The following CROCC variants were observed in gnomAD, a reference collection of about 807,000 sequenced individuals.
CROCC encodes the protein rootletin.
CROCC carries 180 observed loss-of-function variants against 245.2 expected under a neutral mutation model. That is an observed-to-expected ratio of 0.73 (90% CI 0.65 to 0.83). The LOEUF is 0.83. Ranked by LOEUF, CROCC falls within the 40% of genes least tolerant of loss-of-function variation. The pLI, the probability that CROCC is intolerant of heterozygous loss-of-function variation, is 0.00. For synonymous variants in CROCC, 1,205 were observed against 1,241.6 expected, an observed-to-expected ratio of 0.97 and a Z score of 0.62; for missense variants, 2,688 against 2,779.4, an observed-to-expected ratio of 0.97 and a Z score of 0.74.
chr1:16,955,878 A>T, intron 24 of CROCC, 119 bp from the exon 25 acceptor site: 1 of 1,283,278 alleles, frequency 7.8e-7, no homozygotes. Flanking sequence ...AGCTCTTCAG[A>T]GAGGCCACAT....
Position 16,937,714 on chromosome 1 carries a change from C to T in CROCC, c.1267C>T (p.Leu423Phe), listed in dbSNP as rs746629298. The T allele has an allele frequency of 5.6e-6, 9 of 1,610,936 alleles. No homozygotes were observed. In the South Asian group the frequency reaches 7.7e-5, roughly 14 times the overall value. Residue 423 changes from leucine (L) to phenylalanine (F), a missense_variant, in exon 10 of 37, where the codon CTC (leucine) becomes TTC (phenylalanine). By Grantham distance (22) the Leu-to-Phe change is conservative. This residue lies in a region of CROCC where 972 missense variants were observed against 895.3 expected (regional missense o/e 1.09). Coordinates refer to ENST00000375541, the MANE Select transcript of CROCC (RefSeq NM_014675.5). Reference protein sequence around the residue: ...NLEKDQVNKDLTEKLEALESL... With the variant: ...NLEKDQVNKDFTEKLEALESL... ...GGAGAAGGATCAGGTCAACAAGGAC[C>T]TCACTGAGAAGCTTGAGGCCCTGGT... is the stretch of plus-strand genomic sequence containing the variant.
chr1:16,971,210 AGTGTGTGTGTGTGTGTGT>A (rs34364208), intron 35 of CROCC, among the ~76,000 whole-genome samples: 19 of 144,128 alleles, frequency 1.3e-4, no homozygotes, highest in East Asian at 8.3e-4. Flanking sequence ...ATGATGTCTG[AGTGTGTGTGTGTGTGTGT>A]GTGTGTGTGT....
At position 16,972,366 on chromosome 1, in the gene CROCC, A is replaced by C; in HGVS notation, c.5974A>C (p.Thr1992Pro). The C allele has an allele frequency of 6.2e-7, 1 of 1,613,784 alleles. No homozygotes were observed. The highest frequency in any genetic ancestry group is 8.5e-7 in the Non-Finnish European group (1 of 1,179,814). ...RVRGLEEQVS[T>P]LKGQLQQELR... ...CCTTCCCTTTCTTCCCCAGGTGTCCACACTGAAGGGCCAGCTGCAGCAGGA... is the reference window on the plus strand; with the variant it reads ...CCTTCCCTTTCTTCCCCAGGTGTCCCCACTGAAGGGCCAGCTGCAGCAGGA... Residue 1992 changes from threonine (T) to proline (P), a missense_variant, in exon 37 of 37, where the codon ACA becomes CCA. This residue lies in a region of CROCC where 1,218 missense variants were observed against 1,286.3 expected (regional missense o/e 0.95). Coordinates refer to ENST00000375541, the MANE Select transcript of CROCC (RefSeq NM_014675.5).
chr1:16,955,246 G>A (rs1048416661), intron 23 of CROCC, 66 bp from the exon 24 acceptor site: 26 of 1,515,308 alleles, frequency 1.7e-5, no homozygotes, highest in Middle Eastern at 3.7e-4. Flanking sequence ...GGGATCTGGG[G>A]TACAAGACCC....
At position 16,971,517 on chromosome 1, in the gene CROCC, A is replaced by T. The variant is rs777222392; in HGVS notation, c.5837A>T (p.Asp1946Val). 1.4e-5 allele frequency: 21 copies of T among 1,537,046 alleles called. No individual in the cohort carries two copies. The South Asian group carries it at 2.3e-4, about 17-fold the overall frequency. Reference protein sequence around the residue: ...QSHSPAQLEVDAQQQQLELQQ... With the variant: ...QSHSPAQLEVVAQQQQLELQQ... ...CACAGCCCGGCCCAGCTGGAGGTGGATGCGCAGCAGCAGCAGCTGGAGCTG... is the reference window on the plus strand; with the variant it reads ...CACAGCCCGGCCCAGCTGGAGGTGGTTGCGCAGCAGCAGCAGCTGGAGCTG... The change falls in exon 36 of 37, where the codon GAT (aspartate) becomes GTT (valine). Residue 1946 changes from aspartate (D) to valine (V), a missense_variant. Asp to Val is a radical substitution (Grantham distance 152). Transcript: ENST00000375541.
intron 8 of CROCC, 25 bp from the exon 9 acceptor site, chr1:16,936,612 C>T (rs1273310621): frequency 1.3e-6 from 2 of 1,554,136 alleles, no homozygotes; most frequent in Non-Finnish European, 1.7e-6. Context: ...CCCCATCCAT[C>T]CCCAGCCTGT....
intron 13 of CROCC, 89 bp from the exon 14 acceptor site, chr1:16,944,011 G>A: frequency 1.5e-6 from 2 of 1,323,370 alleles, no homozygotes; most frequent in Non-Finnish European, 2.0e-6. Context: ...ACTGGAGGAT[G>A]TAGCTCATGG....
rs759518483 is a variant in CROCC at position 16,955,429 on chromosome 1, C to T, written c.3583C>T (p.Arg1195Cys). Residue 1195 changes from arginine (R) to cysteine (C), a missense_variant, in exon 24 of 37, where the codon CGC becomes TGC. By Grantham distance (180) the Arg-to-Cys change is radical (BLOSUM62 -3). Transcript: ENST00000375541. The part of the protein sequence containing the change: ...RESQEGREVQ[R>C]QEAGELRRSL... ...GAGCCAGGAGGGCCGGGAGGTGCAG[C>T]GCCAGGAGGCAGGCGAGCTGCGACG... 9 of 1,599,908 alleles carry T rather than the reference C, an allele frequency of 5.6e-6. No homozygotes were observed. Among genetic ancestry groups the T allele is most frequent in the Admixed American group, 5.1e-5 (3 of 58,726 alleles).
Position 16,965,723 on chromosome 1 carries a change from G to A in CROCC, c.4406G>A (p.Gly1469Glu), listed in dbSNP as rs1473529962. 1.2e-6 allele frequency: 2 copies of A among 1,602,860 alleles called. No individual in the cohort carries two copies. The highest frequency in any genetic ancestry group is 2.2e-5 in the South Asian group (2 of 90,786). The change falls in exon 28 of 37, where the codon GGA (glycine) becomes GAA (glutamate). Residue 1469 changes from glycine to glutamate, a missense_variant and splice_region_variant. Transcript: ENST00000375541. ...TGAGCAAGTCTTCTTTCTCTTCTAG[G>A]AAGCGGGGAAGGGCTCAACAGCCCC... ...GSPARDAPAE[G>E]SGEGLNSPST...
chr1:16,922,414 A>G (rs534674771), intron 1 of CROCC, among the ~76,000 whole-genome samples: 159 of 152,274 alleles, frequency 1.0e-3, no homozygotes, highest in African/African-American at 3.7e-3. Context: ...GACTGCCTCC[A>G]GTGGGGTTTG....
rs1216082355 is a variant in CROCC at position 16,956,072 on chromosome 1, G to A, written c.3780G>A (p.Glu1260=). ...AGGCACGGACAGCTGTGGGCAAGGA[G>A]GCCGGGGAGCTGCGAACTGGGCTGC... ...LEEARTAVGK[E]AGELRTGLQE... The change falls in exon 25 of 37, where the codon GAG becomes GAA. Residue 1260 remains glutamate, a synonymous_variant. Coordinates refer to ENST00000375541, the MANE Select transcript of CROCC (RefSeq NM_014675.5). 1 of 1,551,208 alleles carries A rather than the reference G, an allele frequency of 6.4e-7. No homozygotes were observed. Among genetic ancestry groups the A allele is most frequent in the Non-Finnish European group, 8.7e-7 (1 of 1,147,028 alleles).
Position 16,955,425 on chromosome 1 carries a change from G to T in CROCC, c.3579G>T (p.Val1193=). ...GTGAGAGCCAGGAGGGCCGGGAGGTGCAGCGCCAGGAGGCAGGCGAGCTGC... is the reference window on the plus strand; with the variant it reads ...GTGAGAGCCAGGAGGGCCGGGAGGTTCAGCGCCAGGAGGCAGGCGAGCTGC... ...KLRESQEGRE[V]QRQEAGELRR... Residue 1193 remains valine, a synonymous_variant, in exon 24 of 37, where the codon GTG becomes GTT. Coordinates refer to ENST00000375541, the MANE Select transcript of CROCC (RefSeq NM_014675.5). 6.2e-7 allele frequency: 1 copy of T among 1,601,006 alleles called. No homozygotes were observed. The highest frequency in any genetic ancestry group is 1.1e-5 in the South Asian group (1 of 90,482).
chr1:16,954,760 G>C lies in CROCC; in HGVS notation c.3348G>C (p.Glu1116Asp). 2 of 1,556,392 alleles carry C rather than the reference G, an allele frequency of 1.3e-6. No individual in the cohort carries two copies. Among genetic ancestry groups the C allele is most frequent in the South Asian group, 2.4e-5 (2 of 84,382 alleles). Residue 1116 changes from glutamate (E) to aspartate (D), a missense_variant, in exon 23 of 37, where the codon GAG becomes GAC. Physicochemically the swap from Glu to Asp is conservative, Grantham distance 45 (BLOSUM62 2). Around this residue, in one of 9 missense-constraint regions of CROCC, gnomAD observed 1,218 missense variants for 1,286.3 expected, o/e 0.95. Transcript: ENST00000375541. The surrounding 1 kb of genome is among the most constrained non-coding windows in gnomAD (Gnocchi z 4.4). ...GCACCGTGAACGCTCTGACGTCTGA[G>C]CTGCGGGACCTACGGGCCCAGCGGG... ...DRSTVNALTS[E>D]LRDLRAQREE... is the part of the protein sequence containing the mutation.
In CROCC at chr1:16,968,158, C is replaced by T. The variant is rs371987791; in HGVS notation, c.4861-45C>T. The T allele has an allele frequency of 3.3e-5, 50 of 1,529,208 alleles. No individual in the cohort carries two copies. In the South Asian group the frequency reaches 4.8e-4, roughly 15 times the overall value. 94.7% of individuals were successfully genotyped at this position (1,529,208 alleles called of 1,614,324 possible). On this transcript the variant is annotated intron_variant, in intron 30 of 36. Coordinates refer to ENST00000375541, the MANE Select transcript of CROCC (RefSeq NM_014675.5). Reference sequence around the variant, plus strand: ...CCCCAGGGCGTGTGCGGGAGGGCTGCGGGGTGCACTGGACGTCTGGGCCTG... The same window carrying T: ...CCCCAGGGCGTGTGCGGGAGGGCTGTGGGGTGCACTGGACGTCTGGGCCTG...
chr1:16,955,233 C>G (rs1365326432), intron 23 of CROCC, 79 bp from the exon 24 acceptor site: 2 of 1,417,362 alleles, frequency 1.4e-6, no homozygotes, highest in Non-Finnish European at 2.0e-6. Context: ...CTCCCTGGGT[C>G]CAGGGATCTG....
chr1:16,948,613 G>A (rs1382790807), intron 18 of CROCC, 89 bp downstream of exon 18: 2 of 1,477,420 alleles, frequency 1.4e-6, no homozygotes, highest in Non-Finnish European at 9.0e-7. Context: ...GGCCCCCAGG[G>A]GCAGTTACTA....
In CROCC at chr1:16,944,271, G is replaced by T. The variant is rs1014911815; in HGVS notation, c.1980G>T (p.Glu660Asp). Residue 660 changes from glutamate to aspartate, a missense_variant, in exon 14 of 37, where the codon GAG becomes GAT. By Grantham distance (45) the Glu-to-Asp change is conservative. Transcript: ENST00000375541. ...AGGATGGCGCGCGGGTGCGCCGGGA[G>T]CTTGAGCGCAGGTGAGCAGCATCTC... ...AVQDGARVRR[E>D]LERSHRQLEQ... 3.3e-5 allele frequency: 51 copies of T among 1,540,452 alleles called. No individual in the cohort carries two copies. Among genetic ancestry groups the T allele is most frequent in the Non-Finnish European group, 4.2e-5 (48 of 1,141,962 alleles).
At position 16,966,430 on chromosome 1, in the gene CROCC, G is replaced by A. The variant is rs756887226; in HGVS notation, c.4719G>A (p.Arg1573=). 130 of 1,536,628 alleles carry A rather than the reference G, an allele frequency of 8.5e-5. 3 individuals carry two copies. In the East Asian group the frequency reaches 3.1e-3, roughly 36 times the overall value. The part of the protein sequence containing the change: ...SEEARRSVDG[R]LSGVQAELAL... The stretch of plus-strand genomic sequence containing the variant: ...CAGCCCGGCGCAGTGTGGATGGGCG[G>A]CTGAGCGGGGTCCAGGCGGAGCTGG... The change falls in exon 30 of 37, where the codon CGG becomes CGA. Residue 1573 remains arginine, a synonymous_variant. Transcript: ENST00000375541. This position sits in a 1 kb window ranked among gnomAD's most constrained non-coding sequence, Gnocchi z 4.8.
chr1:16,942,296 C>T (rs1403380310), intron 13 of CROCC, among the ~76,000 whole-genome samples: 3 of 152,268 alleles, frequency 2.0e-5, no homozygotes, highest in Non-Finnish European at 4.4e-5. Context: ...TCACGCCAGG[C>T]ACCCTGAAGA....
Sources: allele counts gnomAD v4.1 joint callset (sites outside exome capture counted in the v4.1 genomes callset), GRCh38; gene constraint gnomAD v4.1.1; regional missense constraint gnomAD v4.1.1; non-coding constraint Gnocchi (gnomAD v3.1); transcripts MANE v1.5; gene names NCBI Gene and HGNC (gene_info 2026-07-23, HGNC 2026-07-21).